KCNMB2: variants seen among roughly 807,000 people sequenced by gnomAD.
The protein encoded by KCNMB2 is calcium-activated potassium channel subunit beta-2.
A neutral mutation model predicts 24.5 loss-of-function variants in KCNMB2; 9 were observed. The observed-to-expected ratio is 0.37, with a 90% CI of 0.22 to 0.64. The LOEUF (loss-of-function observed/expected upper bound fraction) is 0.64, where lower values mean the gene tolerates loss of function less well. Ranked by LOEUF, KCNMB2 falls within the 30% of genes least tolerant of loss-of-function variation. The pLI is 0.63. For missense variants in KCNMB2, 226 were observed against 284.3 expected (o/e 0.79, Z 1.47); for synonymous variants, 109 against 104.4 (o/e 1.04, Z -0.27).
In KCNMB2 at chr3:178,844,058, A is replaced by C. The variant is rs1715522537; in HGVS notation, c.*1121A>C. 2.0e-5 allele frequency: 3 copies of C among 152,664 alleles called. No individual in the cohort carries two copies. In the South Asian group the frequency reaches 6.2e-4, roughly 32 times the overall value. 9.5% of individuals were successfully genotyped at this position (152,664 alleles called of 1,614,324 possible). A position where few individuals can be genotyped will look rare whatever the true frequency, so the allele number is the denominator to read the frequency against. On this transcript the variant is annotated 3_prime_UTR_variant, in exon 5 of 5. Transcript: ENST00000452583. ...GATCTTTTTTCTAACACATATTTGA[A>C]CTGAATAACAGACTTAAAGAAAGCC...
intron 4 of KCNMB2, among the ~76,000 whole-genome samples, chr3:178,829,697 G>A (rs554923161): frequency 6.6e-6 from 1 of 152,090 alleles, no homozygotes; most frequent in South Asian, 2.1e-4. Flanking sequence ...ACCTGAATAG[G>A]CATCAAAAAG....
intron 1 of KCNMB2, among the ~76,000 whole-genome samples, chr3:178,652,983 C>T (rs1159137063): frequency 6.6e-6 from 1 of 152,064 alleles, no homozygotes; most frequent in Non-Finnish European, 1.5e-5. Flanking sequence ...TGTTTTAAGT[C>T]AACTTATTAA....
At chr3:178,571,447 G>GAGATAT (rs1491315279) in intron 1 of KCNMB2, among the ~76,000 whole-genome samples, 85 of 91,106 alleles carry the variant, frequency 9.3e-4, no homozygotes, top group African/African-American at 2.6e-3. Flanking sequence ...TTTCCTTATG[G>GAGATAT]ATATATATAT....
At chr3:178,832,344 C>CCATTCAGGAT (rs1332599776) in intron 4 of KCNMB2, among the ~76,000 whole-genome samples, 2 of 93,806 alleles carry the variant, frequency 2.1e-5, no homozygotes, top group South Asian at 2.8e-4. Context: ...GTAATCTTGG[C>CCATTCAGGAT]CTATTTTAAA....
intron 1 of KCNMB2, among the ~76,000 whole-genome samples, chr3:178,622,371 G>T (rs1185534450): frequency 2.0e-5 from 3 of 152,206 alleles, no homozygotes; most frequent in African/African-American, 7.2e-5. Context: ...ACATTAAAAT[G>T]TATGGTGCCT....
intron 1 of KCNMB2, among the ~76,000 whole-genome samples, chr3:178,537,015 G>C (rs1022087092): frequency 1.3e-5 from 2 of 152,184 alleles, no homozygotes; most frequent in Admixed American, 1.3e-4. Context: ...TCTTACCTGT[G>C]GTGCCGGCTG....
At chr3:178,738,065 T>G (rs1470060982) in intron 1 of KCNMB2, among the ~76,000 whole-genome samples, 1 of 152,164 alleles carries the variant, frequency 6.6e-6, no homozygotes, top group Non-Finnish European at 1.5e-5. Context: ...GTGTATTTGC[T>G]GATTGATTAA....
intron 1 of KCNMB2, among the ~76,000 whole-genome samples, chr3:178,741,564 G>C (rs1723497516): frequency 6.6e-6 from 1 of 152,102 alleles, no homozygotes; most frequent in Non-Finnish European, 1.5e-5. Flanking sequence ...TCTTCTACCA[G>C]GAAGATTCCT....
At chr3:178,655,338 A>C (rs1337069138) in intron 1 of KCNMB2, among the ~76,000 whole-genome samples, 3 of 152,188 alleles carry the variant, frequency 2.0e-5, no homozygotes, top group African/African-American at 7.2e-5. Context: ...AGTATAAGGC[A>C]GTTTCAAATC....
intron 1 of KCNMB2, among the ~76,000 whole-genome samples, chr3:178,630,329 C>A (rs1719271957): frequency 6.6e-6 from 1 of 152,192 alleles, no homozygotes; most frequent in Admixed American, 6.5e-5. Context: ...TGTGTGAACA[C>A]AAAATCATCT....
At chr3:178,824,459 C>T (rs1714753872) in intron 2 of KCNMB2, 2 of 152,400 alleles carry the variant, frequency 1.3e-5, no homozygotes, top group African/African-American at 4.8e-5. Context: ...GCTCCGCCTC[C>T]CAGGTTCACG....
intron 1 of KCNMB2, among the ~76,000 whole-genome samples, chr3:178,752,638 C>A (rs1404659834): frequency 1.3e-5 from 2 of 152,064 alleles, no homozygotes; most frequent in African/African-American, 4.8e-5. Context: ...ACAGATCATA[C>A]CCTGAGAGGC....
chr3:178,702,809 C>G (rs1486331776), intron 1 of KCNMB2, among the ~76,000 whole-genome samples: 1 of 152,194 alleles, frequency 6.6e-6, no homozygotes, highest in Admixed American at 6.5e-5. Context: ...GCCAGACATT[C>G]TTCCTTACTA....
rs565829592 is a variant in KCNMB2 at position 178,715,529 on chromosome 3, C to T, written c.-67-91814C>T. On this transcript the variant is annotated intron_variant, in intron 1 of 4. Coordinates refer to ENST00000452583, the MANE Select transcript of KCNMB2 (RefSeq NM_181361.3). ...TCCCTGTGTCTTTGAGTTAAGTTTTCAGCTAGGATCTACTGTTTCAAGGAG... is the reference window on the plus strand; with the variant it reads ...TCCCTGTGTCTTTGAGTTAAGTTTTTAGCTAGGATCTACTGTTTCAAGGAG... Among the ~76,000 whole-genome samples, 296 of 152,134 alleles carry T rather than the reference C, an allele frequency of 1.9e-3. 1 individual carries two copies. The highest frequency in any genetic ancestry group is 6.8e-3 in the African/African-American group (282 of 41,514).
intron 1 of KCNMB2, among the ~76,000 whole-genome samples, chr3:178,805,193 G>A (rs1447967957): frequency 6.6e-6 from 1 of 152,168 alleles, no homozygotes. Context: ...CTCAGCCTCT[G>A]TTCTACCTCC....
At chr3:178,725,973 T>G (rs1298855089) in intron 1 of KCNMB2, among the ~76,000 whole-genome samples, 2 of 151,964 alleles carry the variant, frequency 1.3e-5, no homozygotes, top group Admixed American at 6.6e-5. Flanking sequence ...TCTCCCATTT[T>G]ATTTGTTTTC....
intron 1 of KCNMB2, among the ~76,000 whole-genome samples, chr3:178,718,857 C>T (rs370151420): frequency 6.6e-6 from 1 of 152,184 alleles, no homozygotes; most frequent in African/African-American, 2.4e-5. Flanking sequence ...AGACACAAAT[C>T]TCTGTCTCAT....
chr3:178,720,235 G>C (rs955263681), intron 1 of KCNMB2, among the ~76,000 whole-genome samples: 1 of 151,614 alleles, frequency 6.6e-6, no homozygotes, highest in Non-Finnish European at 1.5e-5. Context: ...GCAGTGTTTG[G>C]TTTTTTGTCC....
At chr3:178,603,598 C>G (rs1281937562) in intron 1 of KCNMB2, among the ~76,000 whole-genome samples, 1 of 152,102 alleles carries the variant, frequency 6.6e-6, no homozygotes, top group East Asian at 1.9e-4. Flanking sequence ...AGATGATGCT[C>G]TACAACTGCA....
Sources: gnomAD v4.1 joint callset for allele counts (sites outside exome capture counted in the v4.1 genomes callset) on GRCh38, gnomAD v4.1.1 for gene constraint, MANE v1.5 for transcripts, NCBI Gene and HGNC (gene_info 2026-07-23, HGNC 2026-07-21) for gene names.